TTYH2: variants seen among roughly 807,000 people sequenced by gnomAD.
The protein encoded by TTYH2 is protein tweety homolog 2.
A neutral mutation model predicts 68.3 loss-of-function variants in TTYH2; 49 were observed. The ratio of observed to expected loss-of-function variants is 0.72; its 90% CI spans 0.57 to 0.91. The LOEUF (loss-of-function observed/expected upper bound fraction) is 0.91, where lower values mean the gene tolerates loss of function less well. Ranked by LOEUF, TTYH2 falls within the 40% of genes least tolerant of loss-of-function variation. The pLI is 0.00. For missense variants in TTYH2, 631 were observed against 700.4 expected (o/e 0.90, Z 1.12); for synonymous variants, 272 against 300.8 (o/e 0.90, Z 0.99).
rs1314993087 is a variant in TTYH2 at position 74,215,600 on chromosome 17, C to T, written c.129+1884C>T. On this transcript the variant is annotated intron_variant, in intron 1 of 13. Transcript: ENST00000269346. This position sits in a 1 kb window ranked among gnomAD's most constrained non-coding sequence, Gnocchi z 4.3. The stretch of plus-strand genomic sequence containing the variant: ...TGACACCAGCCCTGCCCACTGGCTC[C>T]TGGTCCCGCTCACCCCCTCACCACC... The T allele has an allele frequency of 6.5e-7, 1 of 1,534,366 alleles. No individual in the cohort carries two copies. The highest frequency in any genetic ancestry group is 2.0e-5 in the Admixed American group (1 of 50,962).
Position 74,222,449 on chromosome 17 carries a change from G to A in TTYH2, c.130-36G>A, listed in dbSNP as rs756451740. 17 of 1,584,138 alleles carry A rather than the reference G, an allele frequency of 1.1e-5. No homozygotes were observed. The African/African-American group carries it at 2.0e-4, about 19-fold the overall frequency. On this transcript the variant is annotated intron_variant, in intron 1 of 13. Transcript: ENST00000269346. This position sits in a 1 kb window ranked among gnomAD's most constrained non-coding sequence, Gnocchi z 5.2. ...CACTTCCAGAGCCCCGCACTGCAGG[G>A]ATGAAGAGTGACAACAGGCCTCTGC...
rs1322560296 is a variant in TTYH2, at chr17:74,252,347, G to A, written c.1230G>A (p.Gly410=). The change falls in exon 11 of 14, where the codon GGG becomes GGA. Residue 410 remains glycine (G), a synonymous_variant. Coordinates refer to ENST00000269346, the MANE Select transcript of TTYH2 (RefSeq NM_032646.6). Reference sequence around the variant, plus strand: ...CCTTCTCCACCATGATCTGTGCAGGGCCAAGGGCCTGGAAGCACTTCACCA... The same window carrying A: ...CCTTCTCCACCATGATCTGTGCAGGACCAAGGGCCTGGAAGCACTTCACCA... ...ALAFSTMICA[G]PRAWKHFTTR... 6.2e-6 allele frequency: 10 copies of A among 1,613,626 alleles called. No individual in the cohort carries two copies. Among genetic ancestry groups the A allele is most frequent in the African/African-American group, 1.3e-5 (1 of 74,942 alleles).
Position 74,215,138 on chromosome 17 carries a change from T to C in TTYH2, c.129+1422T>C, listed in dbSNP as rs1010864630. Among the ~76,000 whole-genome samples the C allele has an allele frequency of 3.3e-5, 5 of 151,648 alleles. No individual in the cohort carries two copies. In the South Asian group the frequency reaches 6.2e-4, roughly 19 times the overall value. ...GAATCTTCCTCTCCCAGAGAATGCA[T>C]GAAAAGAGGCGGATATGATTTCAGA... On this transcript the variant is annotated intron_variant, in intron 1 of 13. Transcript: ENST00000269346. The surrounding 1 kb of genome is among the most constrained non-coding windows in gnomAD (Gnocchi z 4.3).
At chr17:74,243,953 C>G in intron 5 of TTYH2, 24 bp from the exon 6 acceptor site, 4 of 1,608,190 alleles carry the variant, frequency 2.5e-6, no homozygotes, top group African/African-American at 1.3e-5. Flanking sequence ...CGCCTGCCAA[C>G]GTTGTCGCCT....
intron 2 of TTYH2, among the ~76,000 whole-genome samples, chr17:74,230,643 C>CTT (rs749699251): frequency 8.5e-5 from 12 of 141,832 alleles, no homozygotes; most frequent in Admixed American, 1.4e-4. Flanking sequence ...TAAAAACAAG[C>CTT]TTTTTTTTTT....
intron 6 of TTYH2, among the ~76,000 whole-genome samples, chr17:74,245,191 G>A (rs2050544366): frequency 6.6e-6 from 1 of 152,240 alleles, no homozygotes; most frequent in South Asian, 2.1e-4. Flanking sequence ...GCAGAAGGGA[G>A]AAGAGGGGGC....
intron 13 of TTYH2, among the ~76,000 whole-genome samples, chr17:74,255,924 C>G (rs1463225349): frequency 6.6e-6 from 1 of 152,138 alleles, no homozygotes; most frequent in African/African-American, 2.4e-5. Flanking sequence ...GGCCCAAATA[C>G]CTGGGACCAG....
At chr17:74,259,009 T>C (rs2050720304) in intron 13 of TTYH2, among the ~76,000 whole-genome samples, 1 of 151,820 alleles carries the variant, frequency 6.6e-6, no homozygotes, top group Non-Finnish European at 1.5e-5. Flanking sequence ...TCTCAGGTCC[T>C]GTGGACAAGA....
In TTYH2 at chr17:74,260,145, G is replaced by A. The variant is rs757477919; in HGVS notation, c.1541G>A (p.Arg514Lys). 6.2e-7 allele frequency: 1 copy of A among 1,613,838 alleles called. No homozygotes were observed. Residue 514 changes from arginine to lysine, a missense_variant, in exon 14 of 14, where the codon AGA becomes AAA. Physicochemically the swap from Arg to Lys is conservative, Grantham distance 26 (BLOSUM62 2). Transcript: ENST00000269346. ...SPPPTYSPSM[R>K]ATYLSVADEH... ...TCTTGGCAGTACTCTCCCAGCATGAGAGCCACCTACCTGTCTGTGGCGGAT... is the reference window on the plus strand; with the variant it reads ...TCTTGGCAGTACTCTCCCAGCATGAAAGCCACCTACCTGTCTGTGGCGGAT...
chr17:74,245,783 C>T lies in TTYH2; in HGVS notation c.804+1734C>T, dbSNP rs181928226. 6.4e-4 allele frequency among the ~76,000 whole-genome samples: 98 copies of T among 152,276 alleles called. 1 individual carries two copies. The Middle Eastern group carries it at 0.02, about 32-fold the overall frequency. ...GGGCGGGGAGGGCGGCCGGCTGTCC[C>T]GGGGTTGTTGTGGAGAGCTTTTGTG... On this transcript the variant is annotated intron_variant, in intron 6 of 13. Coordinates refer to ENST00000269346, the MANE Select transcript of TTYH2 (RefSeq NM_032646.6).
chr17:74,249,005 A>T lies in TTYH2; in HGVS notation c.805-6A>T. On this transcript the variant is annotated splice_polypyrimidine_tract_variant and splice_region_variant and intron_variant, in intron 6 of 13. Coordinates refer to ENST00000269346, the MANE Select transcript of TTYH2 (RefSeq NM_032646.6). ...CCTCCACCCCGTCCCTCTCTCCCTC[A>T]CTCAGGCCACCAGTGACTTCTGTGT... is the stretch of plus-strand genomic sequence containing the variant. The T allele has an allele frequency of 6.2e-7, 1 of 1,613,804 alleles. No individual in the cohort carries two copies. The highest frequency in any genetic ancestry group is 1.1e-5 in the South Asian group (1 of 91,054).
In TTYH2 at chr17:74,237,399, A is replaced by G. The variant is rs769485645; in HGVS notation, c.520A>G (p.Ile174Val). ...RGDYLQTLKF[I>V]QQMAGSVVVQ... Reference sequence around the variant, plus strand: ...CGATTACCTGCAGACCCTGAAGTTCATACAGCAGATGGCGGGCAGCGTTGT... The same window carrying G: ...CGATTACCTGCAGACCCTGAAGTTCGTACAGCAGATGGCGGGCAGCGTTGT... Residue 174 changes from isoleucine (I) to valine (V), a missense_variant, in exon 4 of 14, where the codon ATA (isoleucine) becomes GTA (valine). Physicochemically the swap from Ile to Val is conservative, Grantham distance 29. Transcript: ENST00000269346. 7 of 1,614,158 alleles carry G rather than the reference A, an allele frequency of 4.3e-6. No individual in the cohort carries two copies. The East Asian group carries it at 8.9e-5, about 21-fold the overall frequency.
chr17:74,215,486 C>T lies in TTYH2; in HGVS notation c.129+1770C>T. ...CCTACCTCCAGCCTCTGCCCCTCCT[C>T]CCAGGATTCTGGCCCCGGCTCACTT... On this transcript the variant is annotated intron_variant, in intron 1 of 13. Coordinates refer to ENST00000269346, the MANE Select transcript of TTYH2 (RefSeq NM_032646.6). The surrounding 1 kb of genome is among the most constrained non-coding windows in gnomAD (Gnocchi z 4.3). 1 of 735,158 alleles carries T rather than the reference C, an allele frequency of 1.4e-6. No homozygotes were observed. The highest frequency in any genetic ancestry group is 2.2e-6 in the Non-Finnish European group (1 of 455,140). The allele number at this position is 735,158 out of a possible 1,614,324, so 45.5% of individuals were successfully genotyped here.
At chr17:74,231,135 C>G (rs1299885953) in intron 3 of TTYH2, 136 bp downstream of exon 3, 3 of 780,936 alleles carry the variant, frequency 3.8e-6, no homozygotes, top group Non-Finnish European at 6.1e-6. Context: ...GCTGGACCCC[C>G]GCCTGCGCTG....
chr17:74,250,236 C>A (rs373524645), intron 9 of TTYH2, 29 bp from the exon 10 acceptor site: 329 of 1,565,916 alleles, frequency 2.1e-4, no homozygotes, highest in Non-Finnish European at 2.8e-4. Flanking sequence ...CACAGCCCCT[C>A]GGCCTCTCTC....
intron 2 of TTYH2, among the ~76,000 whole-genome samples, chr17:74,228,109 G>A (rs534292872): frequency 6.6e-6 from 1 of 150,490 alleles, no homozygotes; most frequent in Non-Finnish European, 1.5e-5. Context: ...TCAGTCTCCC[G>A]AGTAGCTGGG....
intron 2 of TTYH2, among the ~76,000 whole-genome samples, chr17:74,227,360 G>A (rs1157300217): frequency 6.6e-6 from 1 of 152,134 alleles, no homozygotes; most frequent in Non-Finnish European, 1.5e-5. Context: ...TAGAAGGATG[G>A]GAAAATGCTG....
intron 13 of TTYH2, among the ~76,000 whole-genome samples, chr17:74,258,856 G>C (rs1252735377): frequency 3.9e-5 from 6 of 152,042 alleles, no homozygotes; most frequent in Admixed American, 3.9e-4. Flanking sequence ...GAGACCCACT[G>C]GGTCGAAAAC....
In TTYH2 at chr17:74,222,801, T is replaced by A. The variant is rs548523370; in HGVS notation, c.302+144T>A. On this transcript the variant is annotated intron_variant, in intron 2 of 13. Transcript: ENST00000269346. This position sits in a 1 kb window ranked among gnomAD's most constrained non-coding sequence, Gnocchi z 5.2. ...TGAATGTTGTCCCTTTTTTTTTTTT[T>A]ACCAAGCATCAGGAATCAGATGCCT... 7.1e-6 allele frequency: 7 copies of A among 986,620 alleles called. No homozygotes were observed. The highest frequency in any genetic ancestry group is 5.9e-5 in the East Asian group (2 of 33,970). 61.1% of individuals were successfully genotyped at this position (986,620 alleles called of 1,614,324 possible). A position where few individuals can be genotyped will look rare whatever the true frequency, so the allele number is the denominator to read the frequency against.
Sources: allele counts gnomAD v4.1 joint callset (sites outside exome capture counted in the v4.1 genomes callset), GRCh38; gene constraint gnomAD v4.1.1; non-coding constraint Gnocchi (gnomAD v3.1); transcripts MANE v1.5; gene names NCBI Gene and HGNC (gene_info 2026-07-23, HGNC 2026-07-21).